Variants in SVEP1 observed in about 807,000 individuals in gnomAD.
The protein encoded by SVEP1 is sushi, von Willebrand factor type A, EGF and pentraxin domain-containing protein 1.
Under a neutral mutation model 367.3 loss-of-function variants are expected in SVEP1, and 164 were observed. The observed-to-expected ratio is 0.45, with a 90% CI of 0.39 to 0.51. The LOEUF is 0.51. Ranked by LOEUF, SVEP1 falls within the 20% of genes least tolerant of loss-of-function variation. The pLI, the probability that SVEP1 is intolerant of heterozygous loss-of-function variation, is 0.00. For missense variants in SVEP1, 4,117 were observed against 4,425.3 expected (o/e 0.93, Z 1.98); for synonymous variants, 1,666 against 1,611.6 (o/e 1.03, Z -0.81).
chr9:110,385,879 C>T lies in SVEP1; in HGVS notation c.10237+19G>A, dbSNP rs375995245. Reference sequence around the variant, plus strand: ...ATTTCGCACTAGCGGCATGAACTGGCTTCCGCCTGCTGACTTACTTTCACA... The same window carrying T: ...ATTTCGCACTAGCGGCATGAACTGGTTTCCGCCTGCTGACTTACTTTCACA... On this transcript the variant is annotated intron_variant, in intron 43 of 47. Coordinates refer to ENST00000374469, the MANE Select transcript of SVEP1 (RefSeq NM_153366.4). 1.1e-5 allele frequency: 18 copies of T among 1,608,462 alleles called. 1 individual carries two copies. Among genetic ancestry groups the T allele is most frequent in the East Asian group, 6.7e-5 (3 of 44,790 alleles).
At chr9:110,493,053 G>A (rs117205332) in intron 8 of SVEP1, among the ~76,000 whole-genome samples, 2 of 152,188 alleles carry the variant, frequency 1.3e-5, no homozygotes, top group East Asian at 3.9e-4. Context: ...AGTGACATAG[G>A]CTGAAAGGGG....
At chr9:110,532,750 C>A (rs909595908) in intron 3 of SVEP1, among the ~76,000 whole-genome samples, 2 of 152,028 alleles carry the variant, frequency 1.3e-5, no homozygotes, top group Admixed American at 1.3e-4. Context: ...CTGTCTGGGG[C>A]ACTGTGGGAT....
chr9:110,404,181 T>C, intron 39 of SVEP1, 146 bp downstream of exon 39: 1 of 741,328 alleles, frequency 1.3e-6, no homozygotes, highest in Non-Finnish European at 2.1e-6. Flanking sequence ...TTACTATATT[T>C]TCTACCAAGA....
At chr9:110,410,833 C>A (rs1222509269) in intron 37 of SVEP1, among the ~76,000 whole-genome samples, 1 of 152,094 alleles carries the variant, frequency 6.6e-6, no homozygotes, top group African/African-American at 2.4e-5. Flanking sequence ...TCTCTTACCT[C>A]CAGAAAGTGA....
intron 40 of SVEP1, among the ~76,000 whole-genome samples, chr9:110,395,146 C>T (rs554372245): frequency 2.0e-5 from 3 of 152,372 alleles, no homozygotes; most frequent in African/African-American, 2.4e-5. Flanking sequence ...AGACTAACAG[C>T]TGATCTCTCA....
rs56077443 is a variant in SVEP1 at position 110,572,789 on chromosome 9, C to CAA, written c.531+6222_531+6223dup. ...AGAGGGTGACCCTCTCTCTCTCTCA[C>CAA]AAAAAAAAAAAAAAAAAAAAAAAAA... On this transcript the variant is annotated intron_variant, in intron 1 of 47. Transcript: ENST00000374469. Among the ~76,000 whole-genome samples, 363 of 76,478 alleles carry CAA rather than the reference C, an allele frequency of 4.7e-3. 17 individuals carry two copies. The highest frequency in any genetic ancestry group is 0.015 in the South Asian group (28 of 1,922). The allele number at this position is 76,478 out of a possible 152,430, so 50.2% of individuals were successfully genotyped here.
At chr9:110,368,563 T>C (rs1484037344) in intron 47 of SVEP1, among the ~76,000 whole-genome samples, 1 of 152,208 alleles carries the variant, frequency 6.6e-6, no homozygotes, top group Non-Finnish European at 1.5e-5. Flanking sequence ...CTATCGACAG[T>C]TTTTAAATCA....
intron 1 of SVEP1, among the ~76,000 whole-genome samples, chr9:110,553,321 T>G (rs1830315283): frequency 6.6e-6 from 1 of 152,202 alleles, no homozygotes; most frequent in African/African-American, 2.4e-5. Flanking sequence ...TGCTTAGATG[T>G]GCCTACGTGA....
chr9:110,446,966 C>T lies in SVEP1; in HGVS notation c.4195G>A (p.Val1399Met). The T allele has an allele frequency of 6.5e-7, 1 of 1,547,026 alleles. No homozygotes were observed. Among genetic ancestry groups the T allele is most frequent in the Non-Finnish European group, 8.7e-7 (1 of 1,145,316 alleles). ...SNPCRNQATC[V>M]DELNSYSCKC... The stretch of plus-strand genomic sequence containing the variant: ...CAACTGTATGAATTTAATTCATCCA[C>T]ACAGGTGGCCTGATTTCTACATGGA... The change falls in exon 25 of 48, where the codon GTG becomes ATG. Residue 1399 changes from valine (V) to methionine (M), a missense_variant. Around this residue, in one of 4 missense-constraint regions of SVEP1, gnomAD observed 2,174 missense variants for 2,494.3 expected, o/e 0.87. Transcript: ENST00000374469.
intron 14 of SVEP1, chr9:110,475,794 A>C (rs80140910): frequency 6.3e-6 from 1 of 159,432 alleles, no homozygotes; most frequent in African/African-American, 2.4e-5. Flanking sequence ...ATGGAATCTT[A>C]ACATATTTTT....
intron 40 of SVEP1, among the ~76,000 whole-genome samples, chr9:110,394,255 T>C (rs954199342): frequency 1.1e-4 from 17 of 152,176 alleles, no homozygotes; most frequent in Admixed American, 1.0e-3. Flanking sequence ...AGGGTCTGGA[T>C]TGGACCTCTA....
chr9:110,501,174 ATAAT>A (rs1050330611), intron 6 of SVEP1, among the ~76,000 whole-genome samples: 9 of 148,348 alleles, frequency 6.1e-5, no homozygotes, highest in Non-Finnish European at 1.2e-4. Flanking sequence ...ATTAATATAA[ATAAT>A]TTATATATAA....
At position 110,365,945 on chromosome 9, in the gene SVEP1, ACATAATTATGTGGTGGAGAGTACCAGGT is replaced by A. The variant is rs1380229008; in HGVS notation, c.*566_*593del. ...TAGCCAGGCTACCCTAAGTACCAGG[ACATAATTATGTGGTGGAGAGTACCAGGT>A]CCAACAGTTACTCTCTGATTGATTA... On this transcript the variant is annotated 3_prime_UTR_variant, in exon 48 of 48. Coordinates refer to ENST00000374469, the MANE Select transcript of SVEP1 (RefSeq NM_153366.4). 3 of 152,246 alleles carry A rather than the reference ACATAATTATGTGGTGGAGAGTACCAGGT, an allele frequency of 2.0e-5. No homozygotes were observed. The highest frequency in any genetic ancestry group is 4.4e-5 in the Non-Finnish European group (3 of 68,058). The allele number at this position is 152,246 out of a possible 1,614,324, so 9.4% of individuals were successfully genotyped here. A position where few individuals can be genotyped will look rare whatever the true frequency, so the allele number is the denominator to read the frequency against.
rs892524103 is a variant in SVEP1, at chr9:110,547,648, G to T, written c.788-1357C>A. On this transcript the variant is annotated intron_variant, in intron 2 of 47. Coordinates refer to ENST00000374469, the MANE Select transcript of SVEP1 (RefSeq NM_153366.4). ...AGTGTACCAGCATTCAGGTCTGGAA[G>T]AGAGATAAGTGGAGGAGGTACAAAT... Among the ~76,000 whole-genome samples the T allele has an allele frequency of 2.0e-5, 3 of 152,322 alleles. No homozygotes were observed. In the Middle Eastern group the frequency reaches 0.01, roughly 518 times the overall value.
At chr9:110,563,097 T>C (rs1012329051) in intron 1 of SVEP1, among the ~76,000 whole-genome samples, 2 of 152,188 alleles carry the variant, frequency 1.3e-5, no homozygotes, top group Admixed American at 6.6e-5. Context: ...AAAATTTATA[T>C]ACAAGAATAA....
Position 110,403,299 on chromosome 9 carries a change from T to TTTTTTTTTTTG in SVEP1, c.9666+1027_9666+1028insCAAAAAAAAAA, listed in dbSNP as rs1375058991. Among the ~76,000 whole-genome samples, 192 of 120,820 alleles carry TTTTTTTTTTTG rather than the reference T, an allele frequency of 1.6e-3. 12 individuals carry two copies. Among genetic ancestry groups the TTTTTTTTTTTG allele is most frequent in the African/African-American group, 6.4e-3 (184 of 28,826 alleles). 79.3% of individuals were successfully genotyped at this position (120,820 alleles called of 152,430 possible). A position where few individuals can be genotyped will look rare whatever the true frequency, so the allele number is the denominator to read the frequency against. On this transcript the variant is annotated intron_variant, in intron 39 of 47. Coordinates refer to ENST00000374469, the MANE Select transcript of SVEP1 (RefSeq NM_153366.4). The stretch of plus-strand genomic sequence containing the variant: ...TGATTCCTTCCCCGCCACCGCCGTT[T>TTTTTTTTTTTG]TTTTTTTTTTTTTTTTTTTTTTTTG...
chr9:110,380,729 C>G (rs976795282), intron 43 of SVEP1, among the ~76,000 whole-genome samples: 8 of 152,270 alleles, frequency 5.3e-5, no homozygotes, highest in African/African-American at 1.9e-4. Flanking sequence ...AGGAGTCCCT[C>G]CTTTTCAATT....
intron 11 of SVEP1, among the ~76,000 whole-genome samples, chr9:110,481,781 C>T (rs934812575): frequency 5.3e-5 from 8 of 152,192 alleles, no homozygotes; most frequent in African/African-American, 1.9e-4. Context: ...GGTGCTATCT[C>T]GACTCACTGC....
intron 1 of SVEP1, among the ~76,000 whole-genome samples, chr9:110,551,982 T>A (rs1340094869): frequency 6.6e-6 from 1 of 151,350 alleles, no homozygotes; most frequent in African/African-American, 2.4e-5. Flanking sequence ...AGAAGTGCCC[T>A]TGGTCATAAT....
Sources: allele counts gnomAD v4.1 joint callset (sites outside exome capture counted in the v4.1 genomes callset), GRCh38; gene constraint gnomAD v4.1.1; regional missense constraint gnomAD v4.1.1; transcripts MANE v1.5; gene names NCBI Gene and HGNC (gene_info 2026-07-23, HGNC 2026-07-21).